Variants in MRAP2 observed in about 807,000 individuals in gnomAD.
MRAP2 encodes melanocortin-2 receptor accessory protein 2.
MRAP2 carries 20 observed loss-of-function variants against 17.4 expected under a neutral mutation model. The observed-to-expected ratio is 1.15, with a 90% CI of 0.81 to 1.67. The LOEUF (loss-of-function observed/expected upper bound fraction) is 1.67. Among genes scored for constraint, MRAP2 ranks in the 40% most tolerant of loss-of-function variants. The pLI is 0.00. For synonymous variants in MRAP2, 96 were observed against 88.4 expected (o/e 1.09, Z -0.48); for missense variants, 238 against 240.0 (o/e 0.99, Z 0.05).
chr6:84,060,918 T>C (rs1360733441), intron 2 of MRAP2, among the ~76,000 whole-genome samples: 1 of 150,538 alleles, frequency 6.6e-6, no homozygotes, highest in Non-Finnish European at 1.5e-5. Flanking sequence ...CCAGGATGGT[T>C]TTGATCTCCT....
the MRAP2 span, among the ~76,000 whole-genome samples, chr6:84,146,140 C>T: frequency 2.0e-5 from 3 of 152,064 alleles, no homozygotes; most frequent in Non-Finnish European, 4.4e-5. Context: ...TTTGCCAATC[C>T]CTGATCTCAC....
In MRAP2 at chr6:84,055,297, T is replaced by C. The variant is rs758283077; in HGVS notation, c.-7-15T>C. Reference sequence around the variant, plus strand: ...AATTAACAGGTTCTGCGCTTGACTTTCTCCATTTGTGCAGGTCGGAGATGT... The same window carrying C: ...AATTAACAGGTTCTGCGCTTGACTTCCTCCATTTGTGCAGGTCGGAGATGT... On this transcript the variant is annotated splice_polypyrimidine_tract_variant and intron_variant, in intron 1 of 3. Coordinates refer to ENST00000257776, the MANE Select transcript of MRAP2 (RefSeq NM_138409.4). The C allele has an allele frequency of 6.3e-7, 1 of 1,599,760 alleles. No homozygotes were observed. The highest frequency in any genetic ancestry group is 1.8e-5 in the Admixed American group (1 of 54,946).
intron 2 of MRAP2, among the ~76,000 whole-genome samples, chr6:84,056,181 C>A (rs1385049563): frequency 6.6e-6 from 1 of 152,170 alleles, no homozygotes; most frequent in Admixed American, 6.5e-5. Flanking sequence ...TCACTTTTGT[C>A]AGAGTGAATT....
intron 2 of MRAP2, among the ~76,000 whole-genome samples, chr6:84,061,252 T>C (rs1253051087): frequency 6.6e-6 from 1 of 152,218 alleles, no homozygotes; most frequent in Non-Finnish European, 1.5e-5. Flanking sequence ...TTTAAACACA[T>C]TTAATATTTA....
the MRAP2 span, among the ~76,000 whole-genome samples, chr6:84,111,810 T>C: frequency 9.2e-5 from 14 of 152,218 alleles, no homozygotes; most frequent in Admixed American, 3.9e-4. Context: ...GTTTTTAGCA[T>C]GAAGGGCTGT....
At chr6:84,096,963 T>C in the MRAP2 span, among the ~76,000 whole-genome samples, 96 of 152,314 alleles carry the variant, frequency 6.3e-4, no homozygotes, top group African/African-American at 2.1e-3. Context: ...TGACATTTAT[T>C]AGGCACTAAG....
At chr6:84,094,684 T>G (rs1275292312), downstream of MRAP2, among the ~76,000 whole-genome samples, 1 of 152,106 alleles carries the variant, frequency 6.6e-6, no homozygotes, top group East Asian at 1.9e-4. Context: ...ATGATTTAGA[T>G]AGTTCATAAG....
chr6:84,145,614 C>CT, the MRAP2 span, among the ~76,000 whole-genome samples: 1 of 152,004 alleles, frequency 6.6e-6, no homozygotes, highest in African/African-American at 2.4e-5. Context: ...GTCTAGATCT[C>CT]TGTCTATAAT....
chr6:84,062,900 T>C lies in MRAP2; in HGVS notation c.135T>C (p.Ile45=). The part of the protein sequence containing the change: ...FEGLKAHKYS[I]VIGFWVGLAV... ...GAATTAACTGTCTTTCAGATTCCAT[T>C]GTGATTGGATTTTGGGTTGGTCTTG... The change falls in exon 3 of 4, where the codon ATT becomes ATC. Residue 45 remains isoleucine, a synonymous_variant. Coordinates refer to ENST00000257776, the MANE Select transcript of MRAP2 (RefSeq NM_138409.4). 6.2e-7 allele frequency: 1 copy of C among 1,614,160 alleles called. No homozygotes were observed. Among genetic ancestry groups the C allele is most frequent in the Non-Finnish European group, 8.5e-7 (1 of 1,180,000 alleles).
chr6:84,053,845 A>T (rs1191503445), intron 1 of MRAP2, among the ~76,000 whole-genome samples: 1 of 152,138 alleles, frequency 6.6e-6, no homozygotes, highest in Non-Finnish European at 1.5e-5. Flanking sequence ...CAGAAAGTAA[A>T]TATTTTAGGC....
chr6:84,087,223 A>C (rs2099500702), intron 3 of MRAP2, among the ~76,000 whole-genome samples: 1 of 152,194 alleles, frequency 6.6e-6, no homozygotes, highest in Admixed American at 6.5e-5. Flanking sequence ...ATGTAAGATG[A>C]ACATTGGTTC....
At chr6:84,063,600 T>A (rs1398694537) in intron 3 of MRAP2, among the ~76,000 whole-genome samples, 1 of 152,114 alleles carries the variant, frequency 6.6e-6, no homozygotes, top group Non-Finnish European at 1.5e-5. Context: ...TAAAGAACAT[T>A]GAGAAACATC....
At chr6:84,143,537 T>A in the MRAP2 span, among the ~76,000 whole-genome samples, 2 of 151,856 alleles carry the variant, frequency 1.3e-5, no homozygotes, top group Non-Finnish European at 1.5e-5. Context: ...AATAATTAAA[T>A]CTGTACTAAA....
the MRAP2 span, among the ~76,000 whole-genome samples, chr6:84,133,789 A>G: frequency 6.6e-6 from 1 of 152,098 alleles, no homozygotes; most frequent in South Asian, 2.1e-4. Flanking sequence ...TAGGAAAGGG[A>G]ATTCCCAGAC....
At chr6:84,087,836 T>C (rs537463609) in intron 3 of MRAP2, among the ~76,000 whole-genome samples, 1 of 152,316 alleles carries the variant, frequency 6.6e-6, no homozygotes, top group African/African-American at 2.4e-5. Context: ...TTGCTTGATG[T>C]CACCCAGGTA....
intron 1 of MRAP2, 31 bp from the exon 2 acceptor site, chr6:84,055,281 G>A (rs1021657669): frequency 6.3e-7 from 1 of 1,595,290 alleles, no homozygotes; most frequent in African/African-American, 1.4e-5. Context: ...GAATTAACAG[G>A]TTCTGCGCTT....
the MRAP2 span, chr6:84,126,466 G>A: frequency 6.3e-7 from 1 of 1,577,058 alleles, no homozygotes; most frequent in East Asian, 2.3e-5. Flanking sequence ...CATCTCTGGT[G>A]TATGGTTTTC....
At chr6:84,115,020 G>A in the MRAP2 span, among the ~76,000 whole-genome samples, 1 of 152,172 alleles carries the variant, frequency 6.6e-6, no homozygotes, top group Non-Finnish European at 1.5e-5. Flanking sequence ...GACCCCTGCT[G>A]GGAGGTGTCT....
intron 1 of MRAP2, among the ~76,000 whole-genome samples, chr6:84,049,698 G>A (rs2099489916): frequency 6.6e-6 from 1 of 152,128 alleles, no homozygotes; most frequent in Non-Finnish European, 1.5e-5. Flanking sequence ...TATTGGCATT[G>A]ATTTTTATGT....
Sources: gnomAD v4.1 joint callset for allele counts (sites outside exome capture counted in the v4.1 genomes callset) on GRCh38, gnomAD v4.1.1 for gene constraint, MANE v1.5 for transcripts, NCBI Gene and HGNC (gene_info 2026-07-23, HGNC 2026-07-21) for gene names.